The following CFAP299 variants were observed in gnomAD, a reference collection of about 807,000 sequenced individuals.
The protein encoded by CFAP299 is cilia- and flagella-associated protein 299.
In CFAP299, 21 loss-of-function variants were observed where a neutral mutation model predicts 27.0. The ratio of observed to expected loss-of-function variants is 0.78; its 90% CI spans 0.55 to 1.12. The LOEUF (loss-of-function observed/expected upper bound fraction) is 1.12. Among genes scored for constraint, CFAP299 ranks in the 50% most tolerant of loss-of-function variants. The pLI, the probability that CFAP299 is intolerant of heterozygous loss-of-function variation, is 0.00. For synonymous variants in CFAP299, 104 were observed against 98.1 expected (o/e 1.06, Z -0.36); for missense variants, 310 against 276.6 (o/e 1.12, Z -0.86).
intron 2 of CFAP299, among the ~76,000 whole-genome samples, chr4:80,523,354 G>A (rs1054484339): frequency 1.3e-5 from 2 of 151,910 alleles, no homozygotes; most frequent in South Asian, 2.1e-4. Flanking sequence ...AACCATGGAC[G>A]GTATTGTAAA....
intron 3 of CFAP299, among the ~76,000 whole-genome samples, chr4:80,800,688 AT>A (rs1728522592): frequency 1.0e-4 from 12 of 116,582 alleles, no homozygotes; most frequent in South Asian, 2.3e-4. Context: ...ATGATATATT[AT>A]ATATATTTAT....
intron 3 of CFAP299, among the ~76,000 whole-genome samples, chr4:80,836,587 T>G (rs1248261179): frequency 6.6e-6 from 1 of 152,212 alleles, no homozygotes; most frequent in Non-Finnish European, 1.5e-5. Context: ...GTTGTTCCTC[T>G]TATAAGGACC....
intron 4 of CFAP299, among the ~76,000 whole-genome samples, chr4:80,900,399 T>G (rs1022847901): frequency 6.6e-6 from 1 of 152,192 alleles, no homozygotes; most frequent in Non-Finnish European, 1.5e-5. Context: ...TGTCTGATTG[T>G]ATATCTCATG....
At chr4:80,811,570 A>G (rs750492531) in intron 3 of CFAP299, among the ~76,000 whole-genome samples, 3 of 152,142 alleles carry the variant, frequency 2.0e-5, no homozygotes, top group Non-Finnish European at 2.9e-5. Context: ...TTTTGCAGCT[A>G]CAGACTGTCC....
chr4:80,837,358 C>T (rs540363971), intron 3 of CFAP299, among the ~76,000 whole-genome samples: 196 of 152,200 alleles, frequency 1.3e-3, no homozygotes, highest in African/African-American at 4.6e-3. Flanking sequence ...CATAGGTATA[C>T]ATGTGCCATG....
intron 2 of CFAP299, among the ~76,000 whole-genome samples, chr4:80,389,820 T>G (rs1560542641): frequency 6.6e-6 from 1 of 152,150 alleles, no homozygotes. Context: ...TTAAACACAT[T>G]TTATGGATGT....
the CFAP299 span, among the ~76,000 whole-genome samples, chr4:80,324,001 G>A: frequency 6.6e-6 from 1 of 152,018 alleles, no homozygotes; most frequent in Non-Finnish European, 1.5e-5. Context: ...TAAGTTCTGG[G>A]ATACATGTGC....
intron 5 of CFAP299, among the ~76,000 whole-genome samples, chr4:80,948,442 ACCCACCAAAATGTTTCC>A: frequency 5.5e-5 from 1 of 18,282 alleles, no homozygotes; most frequent in South Asian, 1.7e-3. Context: ...AGTGATTCAC[ACCCACCAAAATGTTTCC>A]AGTGTATTAT....
chr4:80,844,976 T>A (rs1368431138), intron 3 of CFAP299, among the ~76,000 whole-genome samples: 1 of 152,316 alleles, frequency 6.6e-6, no homozygotes, highest in East Asian at 1.9e-4. Context: ...TACATATGGC[T>A]AGCCAGTTTT....
intron 3 of CFAP299, among the ~76,000 whole-genome samples, chr4:80,868,905 C>CTCTCTGTGTGTGTG (rs1435285713): frequency 1.5e-3 from 207 of 137,670 alleles, no homozygotes; most frequent in African/African-American, 5.2e-3. Context: ...GCTTCTCTCT[C>CTCTCTGTGTGTGTG]TGTGTGTGTG....
In CFAP299 at chr4:80,497,972, G is replaced by A. The variant is rs146588082; in HGVS notation, c.243-85121G>A. ...CAAAGCCATACACCTATAACCATCT[G>A]ATCTTTGATAAAGTTGACAAAAACA... is the stretch of plus-strand genomic sequence containing the variant. On this transcript the variant is annotated intron_variant, in intron 2 of 5. Coordinates refer to ENST00000358105, the MANE Select transcript of CFAP299 (RefSeq NM_152770.3). Among the ~76,000 whole-genome samples, 238 of 152,218 alleles carry A rather than the reference G, an allele frequency of 1.6e-3. 1 individual carries two copies. The highest frequency in any genetic ancestry group is 5.6e-3 in the African/African-American group (232 of 41,536).
At chr4:80,373,216 C>A (rs1263233937) in intron 2 of CFAP299, among the ~76,000 whole-genome samples, 1 of 152,032 alleles carries the variant, frequency 6.6e-6, no homozygotes, top group Non-Finnish European at 1.5e-5. Context: ...TCTCATCTGA[C>A]CCCCATAAGC....
intron 2 of CFAP299, among the ~76,000 whole-genome samples, chr4:80,450,003 C>G (rs1728820867): frequency 2.0e-5 from 3 of 152,106 alleles, no homozygotes; most frequent in Non-Finnish European, 2.9e-5. Flanking sequence ...CTTCCTCTGC[C>G]TAAGTGTCCT....
chr4:80,662,286 C>T (rs757491312), intron 3 of CFAP299, among the ~76,000 whole-genome samples: 2 of 152,000 alleles, frequency 1.3e-5, no homozygotes, highest in Non-Finnish European at 2.9e-5. Context: ...CGTGTGATGT[C>T]TCCCCTGGAC....
intron 3 of CFAP299, among the ~76,000 whole-genome samples, chr4:80,855,472 T>C (rs1382442335): frequency 6.6e-6 from 1 of 152,190 alleles, no homozygotes; most frequent in Non-Finnish European, 1.5e-5. Context: ...TAGTTACATA[T>C]GTATACATGT....
intron 3 of CFAP299, among the ~76,000 whole-genome samples, chr4:80,735,090 T>C (rs904847792): frequency 6.6e-6 from 1 of 152,176 alleles, no homozygotes; most frequent in Non-Finnish European, 1.5e-5. Context: ...TGAACTGGAA[T>C]ATCTTTCCTT....
At position 80,567,410 on chromosome 4, in the gene CFAP299, T is replaced by C. The variant is rs150084177; in HGVS notation, c.243-15683T>C. The stretch of plus-strand genomic sequence containing the variant: ...AATTGATGACCTCTTGGAATTTCCA[T>C]GGAGATCACTGTATTTCAAAAATTC... On this transcript the variant is annotated intron_variant, in intron 2 of 5. Coordinates refer to ENST00000358105, the MANE Select transcript of CFAP299 (RefSeq NM_152770.3). Among the ~76,000 whole-genome samples, 883 of 152,188 alleles carry C rather than the reference T, an allele frequency of 5.8e-3. 6 individuals carry two copies. Among genetic ancestry groups the C allele is most frequent in the African/African-American group, 0.02 (824 of 41,524 alleles).
At chr4:80,951,388 T>C (rs1212619093) in intron 5 of CFAP299, among the ~76,000 whole-genome samples, 1 of 152,184 alleles carries the variant, frequency 6.6e-6, no homozygotes, top group Non-Finnish European at 1.5e-5. Context: ...ATTTCTTTGT[T>C]CTTTTTGTAT....
intron 3 of CFAP299, among the ~76,000 whole-genome samples, chr4:80,787,678 C>T (rs1727323600): frequency 6.6e-6 from 1 of 151,954 alleles, no homozygotes; most frequent in Admixed American, 6.6e-5. Context: ...TACCAGAGCT[C>T]CTATGCCAGC....
Sources: gnomAD v4.1 joint callset for allele counts (sites outside exome capture counted in the v4.1 genomes callset) on GRCh38, gnomAD v4.1.1 for gene constraint, MANE v1.5 for transcripts, NCBI Gene and HGNC (gene_info 2026-07-23, HGNC 2026-07-21) for gene names.